Variants in RANBP3 observed in about 807,000 individuals in gnomAD.
RANBP3 encodes RAN binding protein 3.
In RANBP3, 14 loss-of-function variants were observed where a neutral mutation model predicts 77.3. The observed-to-expected ratio is 0.18, with a 90% CI of 0.12 to 0.28. RANBP3 has a LOEUF of 0.28. Among genes scored for constraint, RANBP3 ranks in the 10% least tolerant of loss-of-function variants. RANBP3 has a pLI of 1.00. For synonymous variants in RANBP3, 315 were observed against 312.4 expected (o/e 1.01, Z -0.09); for missense variants, 586 against 752.3 (o/e 0.78, Z 2.59).
intron 1 of RANBP3, among the ~76,000 whole-genome samples, chr19:5,970,471 G>T (rs1038010940): frequency 6.6e-6 from 1 of 152,040 alleles, no homozygotes; most frequent in Non-Finnish European, 1.5e-5. Flanking sequence ...TTCTCAAGTG[G>T]GGGCAATTCT....
intron 1 of RANBP3, among the ~76,000 whole-genome samples, chr19:5,960,190 C>G (rs2058382797): frequency 6.6e-6 from 1 of 152,136 alleles, no homozygotes; most frequent in Non-Finnish European, 1.5e-5. Context: ...GGCCCTGAGT[C>G]AAGCTTGGCC....
chr19:5,941,511 TA>T, intron 5 of RANBP3, 109 bp downstream of exon 5: 1 of 993,488 alleles, frequency 1.0e-6, no homozygotes, highest in Non-Finnish European at 1.5e-6. Flanking sequence ...AGATCGACTC[TA>T]ACCGGAGCTG....
intron 1 of RANBP3, among the ~76,000 whole-genome samples, chr19:5,966,093 C>CTCCA (rs2145253456): frequency 6.6e-6 from 1 of 152,350 alleles, no homozygotes; most frequent in East Asian, 1.9e-4. Context: ...GTTACCTGGA[C>CTCCA]TCCAGTTTGC....
intron 6 of RANBP3, chr19:5,933,071 A>C: frequency 3.3e-6 from 1 of 301,078 alleles, no homozygotes; most frequent in Non-Finnish European, 6.2e-6. Context: ...CCACCCTGCT[A>C]ACTGGGGCGA....
chr19:5,950,405 T>C (rs2058260867), intron 3 of RANBP3, among the ~76,000 whole-genome samples: 1 of 152,216 alleles, frequency 6.6e-6, no homozygotes, highest in South Asian at 2.1e-4. Context: ...TCCTCCAAAA[T>C]GTTAACACAG....
At position 5,925,716 on chromosome 19, in the gene RANBP3, C is replaced by T. The variant is rs182675323; in HGVS notation, c.835G>A (p.Glu279Lys). The change falls in exon 10 of 17, where the codon GAA (glutamate) becomes AAA (lysine). Residue 279 changes from glutamate (E) to lysine (K), a missense_variant. Coordinates refer to ENST00000340578, the MANE Select transcript of RANBP3 (RefSeq NM_007322.3). ...TGTCCAGCATTCTCCATGTCGGCTTCGTCCACGCTCTCATTTATCAGCTGG... is the reference window on the plus strand; with the variant it reads ...TGTCCAGCATTCTCCATGTCGGCTTTGTCCACGCTCTCATTTATCAGCTGG... ...RVKLINESVD[E>K]ADMENAGHPS... 204 of 1,613,924 alleles carry T rather than the reference C, an allele frequency of 1.3e-4. 1 individual carries two copies. The East Asian group carries it at 3.4e-3, about 27-fold the overall frequency.
Position 5,923,278 on chromosome 19 carries a change from G to A in RANBP3, c.1125C>T (p.Ala375=), listed in dbSNP as rs1463482625. The part of the protein sequence containing the change: ...EKESLAESAA[A]YTKATARKCL... ...ACTTCCGCGCTGTTGCCTTGGTGTA[G>A]GCGGCTGCCGACTCAGCCAGGGACT... is the stretch of plus-strand genomic sequence containing the variant. The change falls in exon 13 of 17, where the codon GCC becomes GCT. Residue 375 remains alanine, a synonymous_variant. Coordinates refer to ENST00000340578, the MANE Select transcript of RANBP3 (RefSeq NM_007322.3). 3.1e-6 allele frequency: 5 copies of A among 1,614,252 alleles called. No individual in the cohort carries two copies. The highest frequency in any genetic ancestry group is 1.3e-5 in the African/African-American group (1 of 75,066).
chr19:5,974,218 C>T (rs1331111385), intron 1 of RANBP3: 1 of 152,366 alleles, frequency 6.6e-6, no homozygotes, highest in Non-Finnish European at 1.5e-5. Context: ...GTCAACTGCA[C>T]CACACAAAGG....
chr19:5,931,705 C>G (rs1288083146), intron 7 of RANBP3, among the ~76,000 whole-genome samples, 174 bp from the exon 8 acceptor site: 3 of 152,010 alleles, frequency 2.0e-5, no homozygotes, highest in Non-Finnish European at 4.4e-5. Flanking sequence ...AGCCAAAATT[C>G]TTGGATTTAA....
At chr19:5,961,962 G>A (rs2058408535) in intron 1 of RANBP3, among the ~76,000 whole-genome samples, 2 of 151,730 alleles carry the variant, frequency 1.3e-5, no homozygotes, top group South Asian at 4.2e-4. Flanking sequence ...GTTTTCCATG[G>A]CCAGTGCTTA....
At chr19:5,939,977 G>C (rs2058114407) in intron 5 of RANBP3, among the ~76,000 whole-genome samples, 2 of 152,220 alleles carry the variant, frequency 1.3e-5, no homozygotes, top group African/African-American at 2.4e-5. Flanking sequence ...CCCCACCTAA[G>C]ATCTTCCTTC....
rs764276982 is a variant in RANBP3, at chr19:5,933,660, G to A, written c.407-181C>T. Reference sequence around the variant, plus strand: ...GATCAGCAGGCCTGGAAGGCGCCTGGAGGAGGGGAGAGACAAGGGCAGGAG... The same window carrying A: ...GATCAGCAGGCCTGGAAGGCGCCTGAAGGAGGGGAGAGACAAGGGCAGGAG... On this transcript the variant is annotated intron_variant, in intron 5 of 16. Transcript: ENST00000340578. 45 of 541,774 alleles carry A rather than the reference G, an allele frequency of 8.3e-5. No individual in the cohort carries two copies. In the South Asian group the frequency reaches 1.0e-3, roughly 12 times the overall value. The allele number at this position is 541,774 out of a possible 1,614,324, so 33.6% of individuals were successfully genotyped here.
At chr19:5,926,721 C>T (rs1286206316) in intron 9 of RANBP3, among the ~76,000 whole-genome samples, 1 of 152,152 alleles carries the variant, frequency 6.6e-6, no homozygotes, top group East Asian at 1.9e-4. Context: ...AGGGCCTGAA[C>T]TCCACAGGCC....
intron 1 of RANBP3, among the ~76,000 whole-genome samples, chr19:5,969,113 G>A (rs1291271609): frequency 6.6e-6 from 1 of 152,172 alleles, no homozygotes; most frequent in Non-Finnish European, 1.5e-5. Flanking sequence ...GTTTGGAGGG[G>A]AGGAGAACGG....
chr19:5,933,044 G>A (rs779185276), intron 6 of RANBP3: 10 of 269,940 alleles, frequency 3.7e-5, no homozygotes, highest in Admixed American at 2.0e-4. Flanking sequence ...CACTAGCAGC[G>A]CGCCGCTGGA....
intron 3 of RANBP3, 65 bp from the exon 4 acceptor site, chr19:5,941,900 G>A (rs1210263679): frequency 1.8e-5 from 28 of 1,586,810 alleles, no homozygotes; most frequent in East Asian, 2.2e-5. Context: ...AGCAACTCTC[G>A]GGGCCGTAAC....
chr19:5,968,051 T>C (rs1010800593), intron 1 of RANBP3, among the ~76,000 whole-genome samples: 10 of 151,964 alleles, frequency 6.6e-5, no homozygotes, highest in African/African-American at 1.7e-4. Flanking sequence ...AAGAAAAAAC[T>C]GCGTGGAGAG....
chr19:5,925,923 T>C (rs1005557919), intron 9 of RANBP3, among the ~76,000 whole-genome samples, 186 bp from the exon 10 acceptor site: 1 of 152,112 alleles, frequency 6.6e-6, no homozygotes, highest in Non-Finnish European at 1.5e-5. Context: ...CCATCACCTT[T>C]TGCTTTAACA....
At chr19:5,941,137 C>A (rs141836307) in intron 5 of RANBP3, among the ~76,000 whole-genome samples, 3 of 152,220 alleles carry the variant, frequency 2.0e-5, no homozygotes, top group African/African-American at 4.8e-5. Context: ...TCTGCTGGGG[C>A]CTCCTGGCTT....
Sources: gnomAD v4.1 joint callset for allele counts (sites outside exome capture counted in the v4.1 genomes callset) on GRCh38, gnomAD v4.1.1 for gene constraint, MANE v1.5 for transcripts, NCBI Gene and HGNC (gene_info 2026-07-23, HGNC 2026-07-21) for gene names.